The following SH3GL2 variants were observed in gnomAD, a reference collection of about 807,000 sequenced individuals.
SH3GL2 encodes SH3 domain containing GRB2 like 2, endophilin A1.
In SH3GL2, 24 loss-of-function variants were observed where a neutral mutation model predicts 46.0. That is an observed-to-expected ratio of 0.52 (90% CI 0.38 to 0.73). The LOEUF (loss-of-function observed/expected upper bound fraction) is 0.73, where lower values mean the gene tolerates loss of function less well. Ranked by LOEUF, SH3GL2 falls within the 30% of genes least tolerant of loss-of-function variation. The pLI, the probability that SH3GL2 is intolerant of heterozygous loss-of-function variation, is 0.00. For missense variants in SH3GL2, 413 were observed against 424.2 expected (o/e 0.97, Z 0.23); for synonymous variants, 196 against 147.1 (o/e 1.33, Z -2.40).
chr9:17,604,568 A>T (rs997667689), intron 1 of SH3GL2, among the ~76,000 whole-genome samples: 1 of 152,156 alleles, frequency 6.6e-6, no homozygotes, highest in East Asian at 1.9e-4. Context: ...GTCCTTAGCC[A>T]TGCTGCTTAA....
intron 1 of SH3GL2, among the ~76,000 whole-genome samples, chr9:17,626,026 C>T (rs1819272048): frequency 1.3e-5 from 2 of 152,210 alleles, no homozygotes; most frequent in Admixed American, 1.3e-4. Context: ...TCTTCCCCAT[C>T]TCATCTTCCC....
intron 2 of SH3GL2, among the ~76,000 whole-genome samples, chr9:17,751,906 T>G (rs531442193): frequency 6.6e-6 from 1 of 152,272 alleles, no homozygotes; most frequent in South Asian, 2.1e-4. Flanking sequence ...AAGATGAGCT[T>G]TGAAGACATC....
intron 1 of SH3GL2, among the ~76,000 whole-genome samples, chr9:17,688,590 G>A (rs1820988782): frequency 6.6e-6 from 1 of 151,964 alleles, no homozygotes; most frequent in South Asian, 2.1e-4. Flanking sequence ...CTAGTATGGG[G>A]GCAGGAAGCA....
intron 3 of SH3GL2, among the ~76,000 whole-genome samples, chr9:17,784,166 G>A (rs975542708): frequency 6.6e-6 from 1 of 151,966 alleles, no homozygotes; most frequent in Admixed American, 6.6e-5. Context: ...GTAGAAAATG[G>A]CTTTCTTCCT....
At chr9:17,711,121 G>C (rs562774541) in intron 1 of SH3GL2, among the ~76,000 whole-genome samples, 1 of 151,916 alleles carries the variant, frequency 6.6e-6, no homozygotes, top group South Asian at 2.1e-4. Flanking sequence ...GAATAAATTG[G>C]CTAACTCATG....
At chr9:17,769,843 T>C (rs1299590373) in intron 3 of SH3GL2, among the ~76,000 whole-genome samples, 1 of 152,208 alleles carries the variant, frequency 6.6e-6, no homozygotes, top group East Asian at 1.9e-4. Flanking sequence ...ATAATGGAAG[T>C]AGTGCCCTCA....
chr9:17,681,867 C>T (rs191433041), intron 1 of SH3GL2, among the ~76,000 whole-genome samples: 1 of 151,698 alleles, frequency 6.6e-6, no homozygotes, highest in African/African-American at 2.4e-5. Flanking sequence ...AGAAAAAACC[C>T]CATCAAAAAG....
chr9:17,586,059 C>T (rs1818372402), intron 1 of SH3GL2, among the ~76,000 whole-genome samples: 1 of 152,120 alleles, frequency 6.6e-6, no homozygotes, highest in African/African-American at 2.4e-5. Flanking sequence ...GAGACCCTGC[C>T]AAGTCTTTTG....
chr9:17,702,825 A>C (rs954821712), intron 1 of SH3GL2, among the ~76,000 whole-genome samples: 3 of 151,662 alleles, frequency 2.0e-5, no homozygotes, highest in African/African-American at 7.3e-5. Context: ...TAAAGAGATT[A>C]ATATACTGCA....
At chr9:17,735,771 A>C in intron 1 of SH3GL2, 1 of 976,602 alleles carries the variant, frequency 1.0e-6, no homozygotes, top group Middle Eastern at 5.3e-4. Context: ...CTCTTTCCAC[A>C]CATGGAAAGC....
rs1413480895 is a variant in SH3GL2 at position 17,649,023 on chromosome 9, A to G, written c.45+69736A>G. 3.3e-5 allele frequency among the ~76,000 whole-genome samples: 5 copies of G among 152,302 alleles called. No individual in the cohort carries two copies. The East Asian group carries it at 9.6e-4, about 29-fold the overall frequency. On this transcript the variant is annotated intron_variant, in intron 1 of 8. Transcript: ENST00000380607. ...ATGTTGTGTGTGAGTGCATGTGTATAAAAATAAGTCTGTCAATGTGGGCTT... is the reference window on the plus strand; with the variant it reads ...ATGTTGTGTGTGAGTGCATGTGTATGAAAATAAGTCTGTCAATGTGGGCTT...
chr9:17,703,887 A>T (rs1409139496), intron 1 of SH3GL2, among the ~76,000 whole-genome samples: 1 of 152,082 alleles, frequency 6.6e-6, no homozygotes, highest in Non-Finnish European at 1.5e-5. Context: ...AACTGGAAGA[A>T]GACAAGGATG....
chr9:17,622,383 T>A (rs1819164982), intron 1 of SH3GL2, among the ~76,000 whole-genome samples: 1 of 152,152 alleles, frequency 6.6e-6, no homozygotes, highest in Non-Finnish European at 1.5e-5. Context: ...AGGGGAATAA[T>A]TTCAGTAGCA....
intron 8 of SH3GL2, among the ~76,000 whole-genome samples, chr9:17,793,825 C>T (rs535920076): frequency 1.3e-5 from 2 of 152,316 alleles, no homozygotes; most frequent in Admixed American, 1.3e-4. Context: ...GTTTGGTCTG[C>T]GAGTGTCATC....
intron 1 of SH3GL2, among the ~76,000 whole-genome samples, chr9:17,599,290 T>TA (rs1320822520): frequency 6.6e-6 from 1 of 152,188 alleles, no homozygotes; most frequent in Non-Finnish European, 1.5e-5. Flanking sequence ...TTGCTACTTG[T>TA]AAAAATGAAG....
At chr9:17,592,349 A>G (rs953384539) in intron 1 of SH3GL2, among the ~76,000 whole-genome samples, 1 of 152,198 alleles carries the variant, frequency 6.6e-6, no homozygotes, top group African/African-American at 2.4e-5. Context: ...TGGCAGACAC[A>G]CACAGAAATA....
chr9:17,772,462 A>G (rs745394677), intron 3 of SH3GL2, among the ~76,000 whole-genome samples: 4 of 152,168 alleles, frequency 2.6e-5, no homozygotes, highest in Non-Finnish European at 4.4e-5. Flanking sequence ...TTTGTCTTGT[A>G]AAAGTAAAAC....
rs150536923 is a variant in SH3GL2, at chr9:17,649,373, G to A, written c.45+70086G>A. 6.1e-4 allele frequency among the ~76,000 whole-genome samples: 93 copies of A among 152,198 alleles called. No individual in the cohort carries two copies. In the East Asian group the frequency reaches 6.8e-3, roughly 11 times the overall value. On this transcript the variant is annotated intron_variant, in intron 1 of 8. Coordinates refer to ENST00000380607, the MANE Select transcript of SH3GL2 (RefSeq NM_003026.5). ...TGAGCCACCATACCTGCCCTATCGCGTACATTTTTAAAGGCACAATTGAAA... is the reference window on the plus strand; with the variant it reads ...TGAGCCACCATACCTGCCCTATCGCATACATTTTTAAAGGCACAATTGAAA...
At chr9:17,648,098 T>C in intron 1 of SH3GL2, among the ~76,000 whole-genome samples, 1 of 152,216 alleles carries the variant, frequency 6.6e-6, no homozygotes, top group South Asian at 2.1e-4. Context: ...ACATACAAAA[T>C]GTGTTCATAA....
Sources: allele counts gnomAD v4.1 joint callset (sites outside exome capture counted in the v4.1 genomes callset), GRCh38; gene constraint gnomAD v4.1.1; transcripts MANE v1.5; gene names NCBI Gene and HGNC (gene_info 2026-07-23, HGNC 2026-07-21).